Variants in TMTC2 observed in about 807,000 individuals in gnomAD.
TMTC2 encodes the protein protein O-mannosyl-transferase TMTC2.
In TMTC2, 43 loss-of-function variants were observed where a neutral mutation model predicts 82.4. That is an observed-to-expected ratio of 0.52 (90% CI 0.41 to 0.67). The LOEUF is 0.67. Among genes scored for constraint, TMTC2 ranks in the 30% least tolerant of loss-of-function variants. The probability of loss-of-function intolerance (pLI) is 0.00; values close to 1 mark genes in which losing one functional copy is unlikely to be tolerated. For missense variants in TMTC2, 919 were observed against 1,012.4 expected, an observed-to-expected ratio of 0.91 and a Z score of 1.25; for synonymous variants, 408 against 381.9, an observed-to-expected ratio of 1.07 and a Z score of -0.80.
intron 11 of TMTC2, among the ~76,000 whole-genome samples, chr12:83,126,969 G>A (rs981036585): frequency 2.6e-5 from 4 of 151,954 alleles, no homozygotes; most frequent in African/African-American, 9.7e-5. Flanking sequence ...TCATTTTTAA[G>A]CATCATGGTA....
At chr12:82,799,700 G>T (rs1370845595) in intron 1 of TMTC2, among the ~76,000 whole-genome samples, 3 of 152,018 alleles carry the variant, frequency 2.0e-5, no homozygotes, top group Non-Finnish European at 4.4e-5. Flanking sequence ...TCTTCACATA[G>T]TATTCTCTCT....
At chr12:82,705,868 A>G (rs1873327930) in intron 1 of TMTC2, among the ~76,000 whole-genome samples, 1 of 152,198 alleles carries the variant, frequency 6.6e-6, no homozygotes, top group South Asian at 2.1e-4. Flanking sequence ...AACCAAGCAA[A>G]CAGCTACTCT....
At chr12:82,871,993 A>G (rs1411910325) in intron 2 of TMTC2, among the ~76,000 whole-genome samples, 1 of 149,014 alleles carries the variant, frequency 6.7e-6, no homozygotes, top group Non-Finnish European at 1.5e-5. Flanking sequence ...TATTACAAAA[A>G]AGTTGAACAA....
intron 1 of TMTC2, among the ~76,000 whole-genome samples, chr12:82,719,634 T>C (rs1592871767): frequency 6.6e-6 from 1 of 150,882 alleles, no homozygotes; most frequent in Non-Finnish European, 1.5e-5. Context: ...TTTGGGCATA[T>C]GCCTGATTGA....
intron 1 of TMTC2, chr12:82,690,307 C>T (rs1344927558): frequency 1.1e-6 from 1 of 924,262 alleles, no homozygotes; most frequent in Non-Finnish European, 1.3e-6. Context: ...TGCTGCCCTC[C>T]AGGAACTTTT....
chr12:83,019,271 T>G (rs1880812358), intron 8 of TMTC2, among the ~76,000 whole-genome samples: 1 of 152,212 alleles, frequency 6.6e-6, no homozygotes, highest in South Asian at 2.1e-4. Context: ...CTGCTGCTCC[T>G]CTTTCCTTCA....
chr12:83,067,290 G>A (rs1294675433), intron 11 of TMTC2, among the ~76,000 whole-genome samples: 1 of 151,972 alleles, frequency 6.6e-6, no homozygotes, highest in Admixed American at 6.6e-5. Context: ...AGTGGGTGGT[G>A]TAAGACTTAT....
At chr12:82,995,252 A>C (rs1879565696) in intron 8 of TMTC2, among the ~76,000 whole-genome samples, 1 of 152,124 alleles carries the variant, frequency 6.6e-6, no homozygotes, top group Non-Finnish European at 1.5e-5. Context: ...TTTTAGAAAC[A>C]TATTTCTTCT....
chr12:83,051,247 C>T (rs1882334121), intron 10 of TMTC2, among the ~76,000 whole-genome samples: 1 of 152,152 alleles, frequency 6.6e-6, no homozygotes, highest in South Asian at 2.1e-4. Context: ...CATTCCAATG[C>T]AAATTCATAA....
intron 8 of TMTC2, among the ~76,000 whole-genome samples, chr12:82,997,221 C>CTCTCTCTATATATA (rs1451262969): frequency 1.2e-3 from 147 of 118,548 alleles, no homozygotes; most frequent in African/African-American, 5.0e-3. Flanking sequence ...CTCTCTCTCT[C>CTCTCTCTATATATA]TATATATATA....
At chr12:83,063,426 C>T (rs1432875866) in intron 11 of TMTC2, among the ~76,000 whole-genome samples, 2 of 151,714 alleles carry the variant, frequency 1.3e-5, no homozygotes, top group Non-Finnish European at 2.9e-5. Flanking sequence ...AAGAAAATAA[C>T]TTAATAATCA....
chr12:83,097,634 C>T (rs1185877536), intron 11 of TMTC2, among the ~76,000 whole-genome samples: 1 of 151,816 alleles, frequency 6.6e-6, no homozygotes. Flanking sequence ...GGTAGAGAGA[C>T]AAAAAATATA....
At chr12:82,699,671 G>A (rs1291779895) in intron 1 of TMTC2, among the ~76,000 whole-genome samples, 1 of 152,124 alleles carries the variant, frequency 6.6e-6, no homozygotes, top group Non-Finnish European at 1.5e-5. Context: ...GGTGCAGGGT[G>A]GCAACGTGTA....
rs116364190 is a variant in TMTC2 at position 82,949,292 on chromosome 12, G to A, written c.1599-15732G>A. On this transcript the variant is annotated intron_variant, in intron 4 of 11. Transcript: ENST00000321196. Reference sequence around the variant, plus strand: ...TAAAGTTAAATCATTTGTGGTTAGTGCCTTTAACTTGTGTTAGATGCTTTT... The same window carrying A: ...TAAAGTTAAATCATTTGTGGTTAGTACCTTTAACTTGTGTTAGATGCTTTT... Among the ~76,000 whole-genome samples the A allele has an allele frequency of 3.7e-3, 566 of 152,270 alleles. 6 individuals carry two copies. The highest frequency in any genetic ancestry group is 0.013 in the African/African-American group (540 of 41,536).
At chr12:82,971,655 T>C (rs553607978) in intron 7 of TMTC2, among the ~76,000 whole-genome samples, 2 of 152,206 alleles carry the variant, frequency 1.3e-5, no homozygotes, top group South Asian at 4.2e-4. Flanking sequence ...AGAGTAATTG[T>C]TGGGTTTAAT....
At chr12:83,019,554 G>A (rs1056720936) in intron 8 of TMTC2, among the ~76,000 whole-genome samples, 1 of 152,070 alleles carries the variant, frequency 6.6e-6, no homozygotes, top group Non-Finnish European at 1.5e-5. Context: ...CTCAAAAGTA[G>A]GCCAATCTCA....
intron 4 of TMTC2, among the ~76,000 whole-genome samples, chr12:82,954,445 A>G (rs1877511635): frequency 6.6e-6 from 1 of 152,150 alleles, no homozygotes; most frequent in East Asian, 1.9e-4. Context: ...TTATTTATTC[A>G]TTATTTGGTA....
intron 1 of TMTC2, among the ~76,000 whole-genome samples, chr12:82,756,946 T>A (rs1326423324): frequency 1.3e-5 from 2 of 152,186 alleles, no homozygotes; most frequent in African/African-American, 4.8e-5. Context: ...TATTGCTATC[T>A]TAGAAGTACT....
chr12:83,023,238 C>T (rs1881016431), intron 8 of TMTC2, among the ~76,000 whole-genome samples: 1 of 152,146 alleles, frequency 6.6e-6, no homozygotes, highest in African/African-American at 2.4e-5. Context: ...TGAATAACAT[C>T]TCCTTGTATC....
Sources: allele counts gnomAD v4.1 joint callset (sites outside exome capture counted in the v4.1 genomes callset), GRCh38; gene constraint gnomAD v4.1.1; transcripts MANE v1.5; gene names NCBI Gene and HGNC (gene_info 2026-07-23, HGNC 2026-07-21).